STXBP5L: variants seen among roughly 807,000 people sequenced by gnomAD.
STXBP5L encodes the protein syntaxin binding protein 5L.
STXBP5L carries 65 observed loss-of-function variants against 144.5 expected under a neutral mutation model. The observed-to-expected ratio is 0.45, with a 90% CI of 0.37 to 0.55. STXBP5L has a LOEUF of 0.55. Among genes scored for constraint, STXBP5L ranks in the 20% least tolerant of loss-of-function variants. STXBP5L has a pLI of 0.00. For missense variants in STXBP5L, 1,298 were observed against 1,405.5 expected (o/e 0.92, Z 1.22); for synonymous variants, 505 against 469.6 (o/e 1.08, Z -0.97).
intron 5 of STXBP5L, among the ~76,000 whole-genome samples, chr3:121,103,714 A>G (rs1319027439): frequency 1.3e-5 from 2 of 152,190 alleles, no homozygotes; most frequent in South Asian, 4.1e-4. Context: ...AGTATAGAGA[A>G]TATAAAGCTT....
intron 5 of STXBP5L, among the ~76,000 whole-genome samples, chr3:121,080,298 G>A (rs941740975): frequency 1.3e-5 from 2 of 152,126 alleles, no homozygotes; most frequent in Non-Finnish European, 2.9e-5. Context: ...TATCTTTTAA[G>A]TGGAGTTTTT....
At chr3:120,964,667 T>G (rs4561765) in intron 3 of STXBP5L, among the ~76,000 whole-genome samples, 2,939 of 152,304 alleles carry the variant, frequency 0.019, 91 homozygotes, top group African/African-American at 0.066. Flanking sequence ...CTTTTACAAT[T>G]GCTGAGGAGT....
chr3:121,357,207 G>A, intron 20 of STXBP5L: 1 of 213,568 alleles, frequency 4.7e-6, no homozygotes, highest in South Asian at 1.0e-4. Context: ...TCAGAAAGAT[G>A]GTGTCTGGAA....
intron 18 of STXBP5L, among the ~76,000 whole-genome samples, chr3:121,267,708 T>A (rs146465812): frequency 1.2e-3 from 177 of 151,940 alleles, no homozygotes; most frequent in African/African-American, 4.2e-3. Context: ...TTTAACAAAT[T>A]TACAAGAAAA....
intron 3 of STXBP5L, among the ~76,000 whole-genome samples, chr3:120,961,562 T>C (rs952838403): frequency 2.0e-5 from 3 of 152,238 alleles, no homozygotes; most frequent in Non-Finnish European, 4.4e-5. Context: ...CTGAGAATGC[T>C]GGTTTCCAGC....
At chr3:121,336,012 A>C (rs559192505) in intron 20 of STXBP5L, among the ~76,000 whole-genome samples, 1 of 152,210 alleles carries the variant, frequency 6.6e-6, no homozygotes, top group Non-Finnish European at 1.5e-5. Context: ...ATATTTTCAA[A>C]CTATGCATCT....
At chr3:121,130,248 T>C (rs2044916616) in intron 7 of STXBP5L, among the ~76,000 whole-genome samples, 1 of 152,116 alleles carries the variant, frequency 6.6e-6, no homozygotes, top group Admixed American at 6.6e-5. Flanking sequence ...TAGCAGTTAC[T>C]ATCCATTTTC....
chr3:121,233,830 AAAATT>A, intron 12 of STXBP5L, 142 bp downstream of exon 12: 1 of 620,484 alleles, frequency 1.6e-6, no homozygotes, highest in Non-Finnish European at 2.5e-6. Flanking sequence ...TTCAATGGTG[AAAATT>A]AAACCAGAGG....
chr3:121,091,700 G>A (rs1350083880), intron 5 of STXBP5L, among the ~76,000 whole-genome samples: 21 of 152,184 alleles, frequency 1.4e-4, no homozygotes, highest in South Asian at 1.2e-3. Context: ...AGTAGGTTGC[G>A]AAAATTTTCT....
At chr3:121,174,941 GA>G (rs1263667257) in intron 9 of STXBP5L, among the ~76,000 whole-genome samples, 2 of 151,610 alleles carry the variant, frequency 1.3e-5, no homozygotes, top group African/African-American at 4.8e-5. Flanking sequence ...AAGGGAACAG[GA>G]AAAAAAACCC....
intron 24 of STXBP5L, among the ~76,000 whole-genome samples, chr3:121,413,654 A>G (rs1375334382): frequency 6.6e-6 from 1 of 152,170 alleles, no homozygotes; most frequent in Non-Finnish European, 1.5e-5. Flanking sequence ...AAACACAAAA[A>G]TTTCTATACC....
At chr3:121,114,718 CTTA>C (rs1475298981) in intron 5 of STXBP5L, among the ~76,000 whole-genome samples, 1 of 152,050 alleles carries the variant, frequency 6.6e-6, no homozygotes, top group Non-Finnish European at 1.5e-5. Flanking sequence ...CATATAGGCA[CTTA>C]TTAATAGTGC....
chr3:121,341,530 G>A (rs1356337996), intron 20 of STXBP5L, among the ~76,000 whole-genome samples: 1 of 151,886 alleles, frequency 6.6e-6, no homozygotes, highest in Non-Finnish European at 1.5e-5. Context: ...ATAGCCAGAA[G>A]AAAGGAAATT....
At chr3:121,159,654 G>C (rs1047608246) in intron 9 of STXBP5L, among the ~76,000 whole-genome samples, 36 of 146,518 alleles carry the variant, frequency 2.5e-4, no homozygotes, top group Non-Finnish European at 5.1e-4. Context: ...TTTTGAGACG[G>C]AGTCTCGCTC....
intron 10 of STXBP5L, among the ~76,000 whole-genome samples, chr3:121,218,153 A>G (rs2048850590): frequency 7.1e-6 from 1 of 141,254 alleles, no homozygotes; most frequent in South Asian, 2.1e-4. Flanking sequence ...AATGTAATAT[A>G]TAGTAATAAT....
At chr3:121,133,685 T>G (rs1202586689) in intron 7 of STXBP5L, among the ~76,000 whole-genome samples, 1 of 152,200 alleles carries the variant, frequency 6.6e-6, no homozygotes, top group Non-Finnish European at 1.5e-5. Context: ...TATTAGTCCA[T>G]TCTCACACTT....
intron 9 of STXBP5L, among the ~76,000 whole-genome samples, chr3:121,168,382 C>T (rs984112360): frequency 5.9e-5 from 9 of 151,884 alleles, no homozygotes; most frequent in Non-Finnish European, 1.3e-4. Flanking sequence ...TGAGTAATAA[C>T]AAGCTCCTCT....
chr3:120,962,257 C>T (rs1240654100), intron 3 of STXBP5L, among the ~76,000 whole-genome samples: 1 of 152,156 alleles, frequency 6.6e-6, no homozygotes, highest in Admixed American at 6.5e-5. Flanking sequence ...GTTTCTTTTG[C>T]TGTGTAGAAG....
At chr3:121,309,878 T>C (rs1434900002) in intron 19 of STXBP5L, among the ~76,000 whole-genome samples, 1 of 152,172 alleles carries the variant, frequency 6.6e-6, no homozygotes, top group Non-Finnish European at 1.5e-5. Flanking sequence ...TAAAATACTC[T>C]TGGAAAAGAA....
Sources: gnomAD v4.1 joint callset for allele counts (sites outside exome capture counted in the v4.1 genomes callset) on GRCh38, gnomAD v4.1.1 for gene constraint, MANE v1.5 for transcripts, NCBI Gene and HGNC (gene_info 2026-07-23, HGNC 2026-07-21) for gene names.